RERE: variants seen among roughly 807,000 people sequenced by gnomAD.
RERE encodes arginine-glutamic acid dipeptide repeats protein.
RERE carries 40 observed loss-of-function variants against 146.1 expected under a neutral mutation model. The ratio of observed to expected loss-of-function variants is 0.27; its 90% CI spans 0.21 to 0.36. The LOEUF (loss-of-function observed/expected upper bound fraction) is 0.36, where lower values mean the gene tolerates loss of function less well. Ranked by LOEUF, RERE falls within the 10% of genes least tolerant of loss-of-function variation. RERE has a pLI of 1.00. For synonymous variants in RERE, 1,003 were observed against 866.0 expected (o/e 1.16, Z -2.78); for missense variants, 1,933 against 2,138.7 (o/e 0.90, Z 1.90).
chr1:8,809,791 G>A (rs1641758041), intron 1 of RERE, among the ~76,000 whole-genome samples: 2 of 152,166 alleles, frequency 1.3e-5, no homozygotes, highest in Admixed American at 1.3e-4. Context: ...TTCAAGAGAT[G>A]TATAATCTAA....
At chr1:8,498,337 G>C (rs1645073796) in intron 8 of RERE, among the ~76,000 whole-genome samples, 1 of 151,976 alleles carries the variant, frequency 6.6e-6, no homozygotes, top group African/African-American at 2.4e-5. Context: ...CAGCCTGGGA[G>C]AGACAGAGCG....
intron 4 of RERE, among the ~76,000 whole-genome samples, chr1:8,563,141 G>A (rs1646098527): frequency 6.6e-6 from 1 of 152,130 alleles, no homozygotes; most frequent in African/African-American, 2.4e-5. Context: ...ACAGACACAG[G>A]GTCTAACGTT....
chr1:8,421,212 C>A (rs796951648), intron 12 of RERE, among the ~76,000 whole-genome samples: 20 of 152,284 alleles, frequency 1.3e-4, no homozygotes, highest in African/African-American at 4.8e-4. Context: ...ACAATCTGAG[C>A]GATCAGGAGA....
chr1:8,736,890 G>A (rs1301831308), intron 1 of RERE, among the ~76,000 whole-genome samples: 2 of 149,320 alleles, frequency 1.3e-5, no homozygotes, highest in Non-Finnish European at 3.0e-5. Flanking sequence ...AACCTTTGGA[G>A]AGTCATTGTT....
chr1:8,675,670 C>G (rs1638821780), intron 1 of RERE, among the ~76,000 whole-genome samples: 2 of 151,970 alleles, frequency 1.3e-5, no homozygotes, highest in South Asian at 4.1e-4. Flanking sequence ...TTGCAGCGAA[C>G]TGAGATCACA....
intron 1 of RERE, among the ~76,000 whole-genome samples, chr1:8,754,254 C>A (rs1337966238): frequency 6.6e-6 from 1 of 150,510 alleles, no homozygotes; most frequent in Admixed American, 6.7e-5. Context: ...ATCGACAGTA[C>A]TGACTGAATA....
intron 7 of RERE, among the ~76,000 whole-genome samples, chr1:8,537,246 C>T (rs899544943): frequency 6.6e-6 from 1 of 152,164 alleles, no homozygotes; most frequent in African/African-American, 2.4e-5. Context: ...AATTTCATGG[C>T]TAGCACTAAT....
chr1:8,812,533 GC>G (rs1197982788), intron 1 of RERE, among the ~76,000 whole-genome samples: 3 of 152,252 alleles, frequency 2.0e-5, no homozygotes, highest in Middle Eastern at 3.4e-3. Flanking sequence ...TGTAATCCCA[GC>G]TACTCGGGAG....
intron 7 of RERE, among the ~76,000 whole-genome samples, chr1:8,537,796 A>T (rs1400287481): frequency 6.6e-6 from 1 of 152,234 alleles, no homozygotes; most frequent in Non-Finnish European, 1.5e-5. Flanking sequence ...GTGGTAATCC[A>T]TCAGGAACAA....
At chr1:8,624,896 G>C (rs1170434380) in intron 2 of RERE, among the ~76,000 whole-genome samples, 2 of 152,180 alleles carry the variant, frequency 1.3e-5, no homozygotes, top group Non-Finnish European at 2.9e-5. Flanking sequence ...TAATCAAAAA[G>C]AGAAAGAAAA....
chr1:8,766,569 G>GA (rs1216232729), intron 1 of RERE, among the ~76,000 whole-genome samples: 1 of 140,466 alleles, frequency 7.1e-6, no homozygotes, highest in Non-Finnish European at 1.6e-5. Flanking sequence ...AAAAAGAAAA[G>GA]AAAAAAAAGA....
At chr1:8,778,894 C>A (rs1641115683) in intron 1 of RERE, among the ~76,000 whole-genome samples, 1 of 152,108 alleles carries the variant, frequency 6.6e-6, no homozygotes, top group Admixed American at 6.5e-5. Context: ...GTCACCCAGG[C>A]TAGATTGCAG....
chr1:8,356,243 G>A lies in RERE; in HGVS notation c.4343C>T (p.Ser1448Leu). The A allele has an allele frequency of 1.3e-6, 2 of 1,521,392 alleles. No individual in the cohort carries two copies. Among genetic ancestry groups the A allele is most frequent in the Non-Finnish European group, 8.7e-7 (1 of 1,146,500 alleles). The allele number at this position is 1,521,392 out of a possible 1,614,324, so 94.2% of individuals were successfully genotyped here. The stretch of plus-strand genomic sequence containing the variant: ...GACCAGCGGGTGAACGGGGCCTGCT[G>A]AACCTAAGGAAAGGACAAAACGCCA... ...LHQQDPLHQG[S>L]AGPVHPLVDP... is the part of the protein sequence containing the mutation. Residue 1448 changes from serine (S) to leucine (L), a missense_variant, in exon 21 of 23, where the codon TCA becomes TTA. Around this residue, in one of 11 missense-constraint regions of RERE, gnomAD observed 133 missense variants for 168.6 expected, o/e 0.79. Coordinates refer to ENST00000400908, the MANE Select transcript of RERE (RefSeq NM_001042681.2). This position sits in a 1 kb window ranked among gnomAD's most constrained non-coding sequence, Gnocchi z 5.2.
chr1:8,491,336 A>G (rs775695395), intron 10 of RERE, among the ~76,000 whole-genome samples: 15 of 152,350 alleles, frequency 9.8e-5, no homozygotes, highest in Non-Finnish European at 1.9e-4. Flanking sequence ...GCTACTCGGA[A>G]GGCTGAGGCA....
At chr1:8,359,658 G>A (rs1439189188) in intron 19 of RERE, 106 bp downstream of exon 19, 16 of 1,261,580 alleles carry the variant, frequency 1.3e-5, no homozygotes, top group African/African-American at 5.9e-5. Flanking sequence ...CTAGCTGCCA[G>A]GAGGCCGAGT....
intron 1 of RERE, among the ~76,000 whole-genome samples, chr1:8,728,312 A>C (rs778463089): frequency 4.6e-5 from 7 of 152,218 alleles, no homozygotes; most frequent in Non-Finnish European, 1.0e-4. Context: ...CCATAACTTG[A>C]AACTTTCTAT....
chr1:8,356,637 C>T lies in RERE; in HGVS notation c.4340-391G>A, dbSNP rs1377676669. Among the ~76,000 whole-genome samples the T allele has an allele frequency of 6.6e-6, 1 of 152,174 alleles. No individual in the cohort carries two copies. The highest frequency in any genetic ancestry group is 1.9e-4 in the East Asian group (1 of 5,194). On this transcript the variant is annotated intron_variant, in intron 20 of 22. Coordinates refer to ENST00000400908, the MANE Select transcript of RERE (RefSeq NM_001042681.2). This position sits in a 1 kb window ranked among gnomAD's most constrained non-coding sequence, Gnocchi z 5.2. ...GCGCCAGTGGGTGTTGGGCTGGCAC[C>T]CCCTGCCCAGGGCTGTCTCCCTGCT...
Position 8,423,916 on chromosome 1 carries a change from C to T in RERE, c.1204-1109G>A, listed in dbSNP as rs1401364716. ...CCCCGCCCCCGGCCCGACCCCCACC[C>T]CGAGGCCGGAGCCTCCAGGGCACCC... On this transcript the variant is annotated intron_variant, in intron 11 of 22. Transcript: ENST00000400908. This position sits in a 1 kb window ranked among gnomAD's most constrained non-coding sequence, Gnocchi z 5.4. 6.6e-6 allele frequency: 1 copy of T among 152,144 alleles called. No individual in the cohort carries two copies. Among genetic ancestry groups the T allele is most frequent in the Non-Finnish European group, 1.5e-5 (1 of 68,482 alleles). The allele number at this position is 152,144 out of a possible 1,614,324, so 9.4% of individuals were successfully genotyped here.
intron 12 of RERE, 27 bp from the exon 13 acceptor site, chr1:8,366,001 G>A (rs750186489): frequency 4.4e-6 from 7 of 1,609,096 alleles, no homozygotes; most frequent in Middle Eastern, 2.1e-4. Flanking sequence ...CTGACTGTGG[G>A]GGAGGGCCTG....
Sources: gnomAD v4.1 joint callset for allele counts (sites outside exome capture counted in the v4.1 genomes callset) on GRCh38, gnomAD v4.1.1 for gene constraint, gnomAD v4.1.1 regional missense constraint, Gnocchi (gnomAD v3.1) non-coding constraint, MANE v1.5 for transcripts, NCBI Gene and HGNC (gene_info 2026-07-23, HGNC 2026-07-21) for gene names.